The following FZD4 variants were observed in gnomAD, a reference collection of about 807,000 sequenced individuals.
FZD4 encodes the protein frizzled class receptor 4.
A neutral mutation model predicts 37.3 loss-of-function variants in FZD4; 16 were observed. The observed-to-expected ratio is 0.43, with a 90% CI of 0.29 to 0.65. The LOEUF is 0.65. Ranked by LOEUF, FZD4 falls within the 30% of genes least tolerant of loss-of-function variation. The pLI, the probability that FZD4 is intolerant of heterozygous loss-of-function variation, is 0.16. For missense variants in FZD4, 599 were observed against 674.3 expected, an observed-to-expected ratio of 0.89 and a Z score of 1.24; for synonymous variants, 246 against 254.8, an observed-to-expected ratio of 0.97 and a Z score of 0.33.
In FZD4 at chr11:86,951,934, A is replaced by C; in HGVS notation, c.822T>G (p.Thr274=). 6.2e-7 allele frequency: 1 copy of C among 1,613,970 alleles called. No homozygotes were observed. The highest frequency in any genetic ancestry group is 1.3e-5 in the African/African-American group (1 of 75,040). ...IYSIAYIVRL[T]VGRERISCDF... ...CACAGGATATCCTTTCCCGGCCTACAGTCAGCCTGACAATATAAGCAATGC... is the reference window on the plus strand; with the variant it reads ...CACAGGATATCCTTTCCCGGCCTACCGTCAGCCTGACAATATAAGCAATGC... The change falls in exon 2 of 2, where the codon ACT becomes ACG. Residue 274 remains threonine (T), a synonymous_variant. Coordinates refer to ENST00000531380, the MANE Select transcript of FZD4 (RefSeq NM_012193.4).
chr11:86,955,100 G>A lies in FZD4; in HGVS notation c.-15C>T, dbSNP rs780703563. 23 of 1,479,568 alleles carry A rather than the reference G, an allele frequency of 1.6e-5. No individual in the cohort carries two copies. The highest frequency in any genetic ancestry group is 4.2e-5 in the South Asian group (3 of 72,058). The allele number at this position is 1,479,568 out of a possible 1,614,324, so 91.7% of individuals were successfully genotyped here. A position where few individuals can be genotyped will look rare whatever the true frequency, so the allele number is the denominator to read the frequency against. ...CGCCAGGCCATGGCCAGCATCGGGG[G>A]TAGCAGCGGCAGCGGCTGGGGCTGC... On this transcript the variant is annotated 5_prime_UTR_variant, in exon 1 of 2. Transcript: ENST00000531380.
rs1226036021 is a variant in FZD4, at chr11:86,949,968, T to C, written c.*1174A>G. The stretch of plus-strand genomic sequence containing the variant: ...TCTCCATTGTCCTAAGTAGACCAGA[T>C]TCTGATAACATTCTTATGCTTTAAA... On this transcript the variant is annotated 3_prime_UTR_variant, in exon 2 of 2. Transcript: ENST00000531380. The C allele has an allele frequency of 6.6e-6, 1 of 152,444 alleles. No homozygotes were observed. Among genetic ancestry groups the C allele is most frequent in the East Asian group, 1.9e-4 (1 of 5,202 alleles). The allele number at this position is 152,444 out of a possible 1,614,324, so 9.4% of individuals were successfully genotyped here.
chr11:86,951,160 G>A lies in FZD4; in HGVS notation c.1596C>T (p.Gly532=). The change falls in exon 2 of 2, where the codon GGC becomes GGT. Residue 532 remains glycine (G), a synonymous_variant. Coordinates refer to ENST00000531380, the MANE Select transcript of FZD4 (RefSeq NM_012193.4). The part of the protein sequence containing the change: ...RGNGWVKPGK[G]SETVV ...ACTAGCCTTATACCACAGTCTCACT[G>A]CCTTTTCCAGGCTTCACCCAACCAT... 1 of 1,613,896 alleles carries A rather than the reference G, an allele frequency of 6.2e-7. No homozygotes were observed. The highest frequency in any genetic ancestry group is 1.1e-5 in the South Asian group (1 of 91,076).
rs991821211 is a variant in FZD4, at chr11:86,952,635, C to T, written c.286-165G>A. 1.5e-5 allele frequency: 10 copies of T among 662,362 alleles called. No individual in the cohort carries two copies. The African/African-American group carries it at 1.6e-4, about 11-fold the overall frequency. The allele number at this position is 662,362 out of a possible 1,614,324, so 41.0% of individuals were successfully genotyped here. A position where few individuals can be genotyped will look rare whatever the true frequency, so the allele number is the denominator to read the frequency against. ...TTTACTCTGACCTCAAACAAGGGCG[C>T]CTGATAATCCATCACTTACATACTT... On this transcript the variant is annotated intron_variant, in intron 1 of 1. Coordinates refer to ENST00000531380, the MANE Select transcript of FZD4 (RefSeq NM_012193.4).
chr11:86,951,036 A>G lies in FZD4; in HGVS notation c.*106T>C. On this transcript the variant is annotated 3_prime_UTR_variant, in exon 2 of 2. Coordinates refer to ENST00000531380, the MANE Select transcript of FZD4 (RefSeq NM_012193.4). Reference sequence around the variant, plus strand: ...TGACGGGGGTCACTTAATTGTTGCTAGTTTGTTCAAACTGAGATTCACTGC... The same window carrying G: ...TGACGGGGGTCACTTAATTGTTGCTGGTTTGTTCAAACTGAGATTCACTGC... 2 of 1,213,920 alleles carry G rather than the reference A, an allele frequency of 1.6e-6. No homozygotes were observed. Among genetic ancestry groups the G allele is most frequent in the Non-Finnish European group, 2.4e-6 (2 of 818,962 alleles). The allele number at this position is 1,213,920 out of a possible 1,614,324, so 75.2% of individuals were successfully genotyped here.
rs1330807197 is a variant in FZD4 at position 86,948,282 on chromosome 11, A to C, written c.*2860T>G. The C allele has an allele frequency of 6.6e-6, 1 of 152,152 alleles. No homozygotes were observed. Among genetic ancestry groups the C allele is most frequent in the Non-Finnish European group, 1.5e-5 (1 of 68,030 alleles). The allele number at this position is 152,152 out of a possible 1,614,324, so 9.4% of individuals were successfully genotyped here. On this transcript the variant is annotated 3_prime_UTR_variant, in exon 2 of 2. Coordinates refer to ENST00000531380, the MANE Select transcript of FZD4 (RefSeq NM_012193.4). ...AGGTCCCTGCTCCTTTCCCAGAGGA[A>C]CAGTAAAGTTCAGCAGACCTGGGTG...
At position 86,955,354 on chromosome 11, in the gene FZD4, G is replaced by C; in HGVS notation, c.-269C>G. On this transcript the variant is annotated 5_prime_UTR_variant, in exon 1 of 2. Transcript: ENST00000531380. ...CCGGCGCCGGCCGCGTCCGTTCGGC[G>C]TCTCCGCGAGGCCAGCCAGCAGCCA... 2.8e-6 allele frequency: 1 copy of C among 355,282 alleles called. No homozygotes were observed. Among genetic ancestry groups the C allele is most frequent in the Non-Finnish European group, 5.0e-6 (1 of 199,052 alleles). The allele number at this position is 355,282 out of a possible 1,614,324, so 22.0% of individuals were successfully genotyped here. A position where few individuals can be genotyped will look rare whatever the true frequency, so the allele number is the denominator to read the frequency against.
At position 86,946,727 on chromosome 11, in the gene FZD4, A is replaced by G. The variant is rs551459676; in HGVS notation, c.*4415T>C. The G allele has an allele frequency of 6.5e-6, 1 of 152,762 alleles. No individual in the cohort carries two copies. The highest frequency in any genetic ancestry group is 1.5e-5 in the Non-Finnish European group (1 of 68,044). The allele number at this position is 152,762 out of a possible 1,614,324, so 9.5% of individuals were successfully genotyped here. Reference sequence around the variant, plus strand: ...AGATCTATGATCTAACCCTGGAGGAAAAGTGATAACCCAGGTCATTTGCCA... The same window carrying G: ...AGATCTATGATCTAACCCTGGAGGAGAAGTGATAACCCAGGTCATTTGCCA... On this transcript the variant is annotated 3_prime_UTR_variant, in exon 2 of 2. Coordinates refer to ENST00000531380, the MANE Select transcript of FZD4 (RefSeq NM_012193.4).
rs982041642 is a variant in FZD4, at chr11:86,951,554, A to G, written c.1202T>C (p.Ile401Thr). The G allele has an allele frequency of 2.5e-6, 4 of 1,614,194 alleles. No homozygotes were observed. The highest frequency in any genetic ancestry group is 1.1e-5 in the South Asian group (1 of 91,076). ...VVAPLFTYLV[I>T]GTLFIAAGLV... Reference sequence around the variant, plus strand: ...ACCTGCAGCAATGAACAAAGTTCCAATGACCAAATAAGTAAAGAGGGGAGC... The same window carrying G: ...ACCTGCAGCAATGAACAAAGTTCCAGTGACCAAATAAGTAAAGAGGGGAGC... The change falls in exon 2 of 2, where the codon ATT becomes ACT. Residue 401 changes from isoleucine to threonine, a missense_variant. Around this residue, in one of 3 missense-constraint regions of FZD4, gnomAD observed 203 missense variants for 196.8 expected, o/e 1.03. Coordinates refer to ENST00000531380, the MANE Select transcript of FZD4 (RefSeq NM_012193.4).
chr11:86,947,687 G>A lies in FZD4; in HGVS notation c.*3455C>T, dbSNP rs1237646942. ...AGATCAGGAAATGGGTCTCCATAAA[G>A]GAAAGAGGATATGAATCAACCAAGT... On this transcript the variant is annotated 3_prime_UTR_variant, in exon 2 of 2. Coordinates refer to ENST00000531380, the MANE Select transcript of FZD4 (RefSeq NM_012193.4). The A allele has an allele frequency of 6.6e-6, 1 of 152,230 alleles. No homozygotes were observed. Among genetic ancestry groups the A allele is most frequent in the Non-Finnish European group, 1.5e-5 (1 of 68,106 alleles). The allele number at this position is 152,230 out of a possible 1,614,324, so 9.4% of individuals were successfully genotyped here. A position where few individuals can be genotyped will look rare whatever the true frequency, so the allele number is the denominator to read the frequency against.
intron 1 of FZD4, among the ~76,000 whole-genome samples, chr11:86,953,664 T>G (rs1434596413): frequency 6.6e-6 from 1 of 152,114 alleles, no homozygotes; most frequent in Non-Finnish European, 1.5e-5. Flanking sequence ...TGGCCCAGGC[T>G]AGAGTGCAAT....
rs1396438484 is a variant in FZD4, at chr11:86,946,131, C to G, written c.*5011G>C. On this transcript the variant is annotated 3_prime_UTR_variant, in exon 2 of 2. Coordinates refer to ENST00000531380, the MANE Select transcript of FZD4 (RefSeq NM_012193.4). ...GTGAGGTAGACAAAATTCAGAAACA[C>G]CTCCATGCCTCACTGGGAGAGATCT... 2.0e-5 allele frequency: 3 copies of G among 152,548 alleles called. No homozygotes were observed. The highest frequency in any genetic ancestry group is 3.9e-4 in the East Asian group (2 of 5,176). 9.4% of individuals were successfully genotyped at this position (152,548 alleles called of 1,614,324 possible).
chr11:86,952,598 G>C, intron 1 of FZD4, 128 bp from the exon 2 acceptor site: 1 of 973,742 alleles, frequency 1.0e-6, no homozygotes. Flanking sequence ...CAACCTATCG[G>C]GAGTCTGTCT....
At chr11:86,952,701 C>CATAA (rs148843702) in intron 1 of FZD4, 5 of 462,752 alleles carry the variant, frequency 1.1e-5, no homozygotes, top group South Asian at 8.4e-5. Flanking sequence ...GAAGAATGTA[C>CATAA]ATAAATAAAT....
In FZD4 at chr11:86,948,000, T is replaced by C. The variant is rs1404696760; in HGVS notation, c.*3142A>G. 2 of 152,270 alleles carry C rather than the reference T, an allele frequency of 1.3e-5. No individual in the cohort carries two copies. The highest frequency in any genetic ancestry group is 4.8e-5 in the African/African-American group (2 of 41,456). The allele number at this position is 152,270 out of a possible 1,614,324, so 9.4% of individuals were successfully genotyped here. A position where few individuals can be genotyped will look rare whatever the true frequency, so the allele number is the denominator to read the frequency against. ...CACATGGAATACCCCAAGCCCTGAA[T>C]TGCCGGCAAAGCCAAAGCAGATGTG... On this transcript the variant is annotated 3_prime_UTR_variant, in exon 2 of 2. Transcript: ENST00000531380.
rs1217419957 is a variant in FZD4, at chr11:86,945,848, T to C, written c.*5294A>G. 6.6e-6 allele frequency: 1 copy of C among 152,520 alleles called. No individual in the cohort carries two copies. The highest frequency in any genetic ancestry group is 1.5e-5 in the Non-Finnish European group (1 of 68,026). The allele number at this position is 152,520 out of a possible 1,614,324, so 9.4% of individuals were successfully genotyped here. On this transcript the variant is annotated 3_prime_UTR_variant, in exon 2 of 2. Coordinates refer to ENST00000531380, the MANE Select transcript of FZD4 (RefSeq NM_012193.4). ...GAAATTTAGCAATTCATTCAGGGCA[T>C]GTGTAGCAGGAAGTTTGCCTGGTAC...
rs1458859905 is a variant in FZD4 at position 86,946,938 on chromosome 11, G to GCTCACACTTGTAA, written c.*4191_*4203dup. 1 of 152,378 alleles carries GCTCACACTTGTAA rather than the reference G, an allele frequency of 6.6e-6. No individual in the cohort carries two copies. The highest frequency in any genetic ancestry group is 2.4e-5 in the African/African-American group (1 of 41,426). 9.4% of individuals were successfully genotyped at this position (152,378 alleles called of 1,614,324 possible). A position where few individuals can be genotyped will look rare whatever the true frequency, so the allele number is the denominator to read the frequency against. Reference sequence around the variant, plus strand: ...GGTTCCTTCCAGGCCAGGTGTGGTGGCTCACACTTGTAATCCCAGCACTTT... The same window carrying GCTCACACTTGTAA: ...GGTTCCTTCCAGGCCAGGTGTGGTGGCTCACACTTGTAACTCACACTTGTAATCCCAGCACTTT... On this transcript the variant is annotated 3_prime_UTR_variant, in exon 2 of 2. Transcript: ENST00000531380.
At chr11:86,952,656 T>C (rs2135042368) in intron 1 of FZD4, 186 bp from the exon 2 acceptor site, 2 of 590,142 alleles carry the variant, frequency 3.4e-6, no homozygotes, top group South Asian at 2.1e-5. Flanking sequence ...ATCACTTACA[T>C]ACTTTTCTTA....
chr11:86,954,608 T>C (rs1949320312), intron 1 of FZD4, 193 bp downstream of exon 1: 1 of 985,334 alleles, frequency 1.0e-6, no homozygotes, highest in Non-Finnish European at 1.2e-6. Flanking sequence ...GTGGGTTCTT[T>C]CCCAGGCCAG....
Sources: allele counts gnomAD v4.1 joint callset (sites outside exome capture counted in the v4.1 genomes callset), GRCh38; gene constraint gnomAD v4.1.1; regional missense constraint gnomAD v4.1.1; transcripts MANE v1.5; gene names NCBI Gene and HGNC (gene_info 2026-07-23, HGNC 2026-07-21).